The following DCAF6 variants were observed in gnomAD, a reference collection of about 807,000 sequenced individuals.
The protein encoded by DCAF6 is DDB1- and CUL4-associated factor 6.
Under a neutral mutation model 125.1 loss-of-function variants are expected in DCAF6, and 54 were observed. That is an observed-to-expected ratio of 0.43 (90% confidence interval 0.35 to 0.54). The LOEUF (loss-of-function observed/expected upper bound fraction) is 0.54, where lower values mean the gene tolerates loss of function less well. Ranked by LOEUF, DCAF6 falls within the 20% of genes least tolerant of loss-of-function variation. DCAF6 has a pLI of 0.01. For missense variants in DCAF6, 934 were observed against 1,161.7 expected, an observed-to-expected ratio of 0.80 and a Z score of 2.85; for synonymous variants, 371 against 390.4, an observed-to-expected ratio of 0.95 and a Z score of 0.58.
At chr1:167,905,776 T>C in the DCAF6 span, among the ~76,000 whole-genome samples, 1 of 152,140 alleles carries the variant, frequency 6.6e-6, no homozygotes, top group South Asian at 2.1e-4. Context: ...GCTGGAAAGA[T>C]GGAAGACCTT....
chr1:167,887,384 C>T, the DCAF6 span, among the ~76,000 whole-genome samples: 6 of 152,182 alleles, frequency 3.9e-5, no homozygotes, highest in South Asian at 2.1e-4. Flanking sequence ...GATGAGTTCA[C>T]GTCCTTTGTA....
At chr1:167,932,418 AC>A (rs1419702783), upstream of DCAF6, among the ~76,000 whole-genome samples, 1 of 152,208 alleles carries the variant, frequency 6.6e-6, no homozygotes, top group Non-Finnish European at 1.5e-5. Flanking sequence ...CATTGTGTGC[AC>A]CCCTTGGGAT....
chr1:167,977,808 G>C (rs1383865648), intron 4 of DCAF6, among the ~76,000 whole-genome samples: 1 of 152,070 alleles, frequency 6.6e-6, no homozygotes, highest in Non-Finnish European at 1.5e-5. Flanking sequence ...TATAGGAAAA[G>C]TACCTAAATC....
chr1:168,074,827 A>C (rs1052936756), intron 21 of DCAF6, among the ~76,000 whole-genome samples: 2 of 152,196 alleles, frequency 1.3e-5, no homozygotes, highest in Non-Finnish European at 2.9e-5. Context: ...TTGAACGAGC[A>C]TACTGTACTC....
intron 10 of DCAF6, among the ~76,000 whole-genome samples, chr1:168,013,983 C>G (rs933737306): frequency 3.9e-5 from 6 of 152,132 alleles, no homozygotes; most frequent in Admixed American, 6.5e-5. Context: ...AAGTGATACT[C>G]TCGCCTTGGT....
the DCAF6 span, chr1:167,903,809 A>G: frequency 2.9e-6 from 3 of 1,034,708 alleles, no homozygotes; most frequent in South Asian, 3.8e-5. Context: ...ATTGTACTCT[A>G]TCAGGTTATA....
the DCAF6 span, among the ~76,000 whole-genome samples, chr1:167,929,322 G>T: frequency 6.6e-6 from 1 of 151,832 alleles, no homozygotes; most frequent in East Asian, 1.9e-4. Context: ...TTGCACCATT[G>T]CACTCCAGCC....
chr1:168,004,127 G>A lies in DCAF6; in HGVS notation c.1117+138G>A, dbSNP rs534856935. On this transcript the variant is annotated intron_variant, in intron 9 of 21. Transcript: ENST00000367840. ...CAAGGTTCTTATTGTGTGGTGTGAA[G>A]TAGTAGAGAATAAAAGATATTGGAT... 5 of 1,086,824 alleles carry A rather than the reference G, an allele frequency of 4.6e-6. No individual in the cohort carries two copies. In the African/African-American group the frequency reaches 6.4e-5, roughly 14 times the overall value. The allele number at this position is 1,086,824 out of a possible 1,614,324, so 67.3% of individuals were successfully genotyped here.
At chr1:167,866,530 CAAA>C in the DCAF6 span, among the ~76,000 whole-genome samples, 3 of 110,780 alleles carry the variant, frequency 2.7e-5, no homozygotes, top group Non-Finnish European at 6.1e-5. Context: ...CTCTATGTGC[CAAA>C]AAAAAAAAAA....
chr1:168,030,227 C>T (rs1305379577), intron 12 of DCAF6, among the ~76,000 whole-genome samples: 3 of 152,054 alleles, frequency 2.0e-5, no homozygotes, highest in Non-Finnish European at 4.4e-5. Flanking sequence ...AGTTGAGGGC[C>T]AAATAAGGCA....
At chr1:167,916,358 C>G in the DCAF6 span, among the ~76,000 whole-genome samples, 2 of 152,134 alleles carry the variant, frequency 1.3e-5, no homozygotes, top group Middle Eastern at 3.2e-3. Context: ...AGGCGTGCGC[C>G]ACCACACCCA....
At chr1:168,028,103 C>T (rs1427527599) in intron 12 of DCAF6, among the ~76,000 whole-genome samples, 2 of 152,094 alleles carry the variant, frequency 1.3e-5, no homozygotes, top group African/African-American at 2.4e-5. Context: ...GTCCATCATG[C>T]ATCTTGTTTA....
chr1:167,980,236 G>A (rs1678899124), intron 4 of DCAF6, among the ~76,000 whole-genome samples: 1 of 152,126 alleles, frequency 6.6e-6, no homozygotes, highest in African/African-American at 2.4e-5. Context: ...GGATATTTAG[G>A]TTGCTTCTAC....
chr1:168,047,324 T>C (rs1366748291), intron 16 of DCAF6, among the ~76,000 whole-genome samples: 1 of 152,108 alleles, frequency 6.6e-6, no homozygotes, highest in Non-Finnish European at 1.5e-5. Context: ...ACTAGCAGAA[T>C]CTTTTAGAAG....
Position 168,015,802 on chromosome 1 carries a change from T to A in DCAF6, c.1400T>A (p.Ile467Lys). The A allele has an allele frequency of 6.6e-7, 1 of 1,519,420 alleles. No individual in the cohort carries two copies. Among genetic ancestry groups the A allele is most frequent in the Non-Finnish European group, 8.8e-7 (1 of 1,130,358 alleles). The allele number at this position is 1,519,420 out of a possible 1,614,324, so 94.1% of individuals were successfully genotyped here. A position where few individuals can be genotyped will look rare whatever the true frequency, so the allele number is the denominator to read the frequency against. The part of the protein sequence containing the change: ...HQSEFLRGPE[I>K]ALLRKRLQQL... ...TCAGAATTTTTAAGGGGCCCTGAGA[T>A]AGCTTTGCTTCGTAAGCGCCTGCAA... is the stretch of plus-strand genomic sequence containing the variant. The change falls in exon 11 of 22, where the codon ATA becomes AAA. Residue 467 changes from isoleucine (I) to lysine (K), a missense_variant. By Grantham distance (102) the Ile-to-Lys change is moderately radical. Transcript: ENST00000367840.
At chr1:167,902,080 C>T in the DCAF6 span, 1 of 1,585,764 alleles carries the variant, frequency 6.3e-7, no homozygotes, top group Non-Finnish European at 8.6e-7. Flanking sequence ...AAAATTAAAT[C>T]AAACCCTGAT....
intron 17 of DCAF6, among the ~76,000 whole-genome samples, chr1:168,055,735 T>C (rs1443889400): frequency 1.2e-5 from 1 of 80,440 alleles, no homozygotes; most frequent in Admixed American, 1.6e-4. Context: ...CTATAATCAT[T>C]AGAAAGTTAA....
intron 17 of DCAF6, chr1:168,056,022 AC>A (rs1690699244): frequency 6.2e-7 from 1 of 1,602,570 alleles, no homozygotes. Flanking sequence ...AGATTTGTTT[AC>A]AAGTCCTGGA....
intron 11 of DCAF6, among the ~76,000 whole-genome samples, chr1:168,021,552 A>G (rs76831300): frequency 6.6e-6 from 1 of 152,186 alleles, no homozygotes; most frequent in Admixed American, 6.5e-5. Flanking sequence ...TTGAAATGCT[A>G]TTGTTCCCAC....
Sources: gnomAD v4.1 joint callset for allele counts (sites outside exome capture counted in the v4.1 genomes callset) on GRCh38, gnomAD v4.1.1 for gene constraint, MANE v1.5 for transcripts, NCBI Gene and HGNC (gene_info 2026-07-23, HGNC 2026-07-21) for gene names.